TRRAP: variants seen among roughly 807,000 people sequenced by gnomAD.
TRRAP encodes transformation/transcription domain-associated protein.
TRRAP carries 41 observed loss-of-function variants against 438.8 expected under a neutral mutation model. That is an observed-to-expected ratio of 0.09 (90% confidence interval 0.07 to 0.12). The LOEUF (loss-of-function observed/expected upper bound fraction) is 0.12, where lower values mean the gene tolerates loss of function less well. TRRAP is among the 10% of genes least tolerant of loss of function. TRRAP has a pLI of 1.00. For synonymous variants in TRRAP, 1,994 were observed against 1,962.9 expected (o/e 1.02, Z -0.42); for missense variants, 3,122 against 5,055.1 (o/e 0.62, Z 11.60).
intron 21 of TRRAP, among the ~76,000 whole-genome samples, chr7:98,923,601 C>T (rs1236780392): frequency 6.6e-6 from 1 of 152,214 alleles, no homozygotes; most frequent in African/African-American, 2.4e-5. Flanking sequence ...AAAGTACCAC[C>T]ATTTACAACT....
chr7:98,947,075 G>A (rs1396855492), intron 33 of TRRAP, among the ~76,000 whole-genome samples: 6 of 152,198 alleles, frequency 3.9e-5, no homozygotes, highest in Non-Finnish European at 8.8e-5. Context: ...TTCCTGATCC[G>A]TGCTATCATC....
intron 69 of TRRAP, among the ~76,000 whole-genome samples, chr7:99,006,954 G>T (rs561230213): frequency 6.6e-6 from 1 of 152,202 alleles, no homozygotes; most frequent in Admixed American, 6.5e-5. Flanking sequence ...TGGAGTGGTC[G>T]CCCAGCGCTC....
At chr7:98,947,074 C>G (rs1437566144) in intron 33 of TRRAP, among the ~76,000 whole-genome samples, 1 of 152,248 alleles carries the variant, frequency 6.6e-6, no homozygotes, top group African/African-American at 2.4e-5. Context: ...CTTCCTGATC[C>G]GTGCTATCAT....
rs1554406349 is a variant in TRRAP, at chr7:98,899,781, G to A, written c.800+14G>A. 1 of 1,612,770 alleles carries A rather than the reference G, an allele frequency of 6.2e-7. No homozygotes were observed. The highest frequency in any genetic ancestry group is 8.5e-7 in the Non-Finnish European group (1 of 1,178,998). On this transcript the variant is annotated intron_variant, in intron 10 of 72. Coordinates refer to ENST00000456197, the MANE Select transcript of TRRAP (RefSeq NM_001375524.1). ...TGCACAAGCGAGGTGAGGCGTCACT[G>A]TAGCCGGCTGCCACAGTGCCTGGAT...
At chr7:98,885,518 GTAGCAATGGATAGTATTT>G (rs1352043653) in intron 3 of TRRAP, among the ~76,000 whole-genome samples, 1 of 152,054 alleles carries the variant, frequency 6.6e-6, no homozygotes, top group African/African-American at 2.4e-5. Context: ...CCTACTATCT[GTAGCAATGGATAGTATTT>G]TAGCTTTTTT....
chr7:98,948,407 A>T lies in TRRAP; in HGVS notation c.4668+67A>T. 6.2e-7 allele frequency: 1 copy of T among 1,611,052 alleles called. No homozygotes were observed. Among genetic ancestry groups the T allele is most frequent in the Admixed American group, 1.7e-5 (1 of 59,948 alleles). On this transcript the variant is annotated intron_variant, in intron 34 of 72. Transcript: ENST00000456197. This position sits in a 1 kb window ranked among gnomAD's most constrained non-coding sequence, Gnocchi z 4.9. ...CCGGTGCTTATAGCGTCCTCACTTG[A>T]TCGTATTTTCAATGGACGGAACAGC... is the stretch of plus-strand genomic sequence containing the variant.
chr7:98,886,484 AGATATCTAGAGAGATATG>A (rs1327615951), intron 3 of TRRAP, among the ~76,000 whole-genome samples: 6 of 152,182 alleles, frequency 3.9e-5, no homozygotes, highest in African/African-American at 7.2e-5. Context: ...AGATAGATAT[AGATATCTAGAGAGATATG>A]GATATCTAGA....
chr7:98,911,382 C>A, intron 17 of TRRAP, 111 bp downstream of exon 17: 1 of 1,067,022 alleles, frequency 9.4e-7, no homozygotes, highest in Non-Finnish European at 1.3e-6. Context: ...CAAGGATGTG[C>A]TTATAGCTCA....
At chr7:98,916,335 A>G (rs1789517813) in intron 19 of TRRAP, among the ~76,000 whole-genome samples, 1 of 152,232 alleles carries the variant, frequency 6.6e-6, no homozygotes. Flanking sequence ...TCTGATTTAC[A>G]TAGCCAGAAT....
chr7:98,923,712 A>G (rs782593951), intron 21 of TRRAP, among the ~76,000 whole-genome samples: 5 of 152,238 alleles, frequency 3.3e-5, no homozygotes, highest in Non-Finnish European at 7.3e-5. Flanking sequence ...GCTTGTGTGC[A>G]CTGCGTGTCT....
chr7:98,978,657 T>G, intron 57 of TRRAP, 112 bp from the exon 58 acceptor site: 1 of 1,420,094 alleles, frequency 7.0e-7, no homozygotes, highest in Non-Finnish European at 9.8e-7. Context: ...ACTCTTACTG[T>G]GTTGTTCTTC....
chr7:98,948,120 T>G lies in TRRAP; in HGVS notation c.4549-101T>G. 1 of 1,547,908 alleles carries G rather than the reference T, an allele frequency of 6.5e-7. No homozygotes were observed. The highest frequency in any genetic ancestry group is 8.8e-7 in the Non-Finnish European group (1 of 1,139,014). ...GAACCCTTCGCTTCACTGCCTAGCCTTGCCAACATAGTTAGACTATAGTAG... is the reference window on the plus strand; with the variant it reads ...GAACCCTTCGCTTCACTGCCTAGCCGTGCCAACATAGTTAGACTATAGTAG... On this transcript the variant is annotated intron_variant, in intron 33 of 72. Coordinates refer to ENST00000456197, the MANE Select transcript of TRRAP (RefSeq NM_001375524.1). This position sits in a 1 kb window ranked among gnomAD's most constrained non-coding sequence, Gnocchi z 4.9.
chr7:98,909,995 G>T, intron 14 of TRRAP, 61 bp from the exon 15 acceptor site: 1 of 1,519,184 alleles, frequency 6.6e-7, no homozygotes. Context: ...GATCTGAGCA[G>T]TATTTGGCCT....
At position 98,967,373 on chromosome 7, in the gene TRRAP, G is replaced by T. The variant is rs1211726761; in HGVS notation, c.7299-112G>T. ...CTGCCACGATTTATAACATACTCTT[G>T]GTTTTCATAGTGGCATTTCAGCAAG... On this transcript the variant is annotated intron_variant, in intron 50 of 72. Transcript: ENST00000456197. 2.2e-6 allele frequency: 3 copies of T among 1,353,218 alleles called. No individual in the cohort carries two copies. In the African/African-American group the frequency reaches 4.3e-5, roughly 20 times the overall value. The allele number at this position is 1,353,218 out of a possible 1,614,324, so 83.8% of individuals were successfully genotyped here. A position where few individuals can be genotyped will look rare whatever the true frequency, so the allele number is the denominator to read the frequency against.
intron 8 of TRRAP, among the ~76,000 whole-genome samples, chr7:98,898,074 T>G (rs782269921): frequency 5.9e-5 from 9 of 152,128 alleles, no homozygotes; most frequent in Non-Finnish European, 1.0e-4. Context: ...AAGATAAGGT[T>G]GTTGTTGAAA....
chr7:98,952,838 C>A (rs935808858), intron 39 of TRRAP, among the ~76,000 whole-genome samples: 2 of 152,158 alleles, frequency 1.3e-5, no homozygotes, highest in Non-Finnish European at 2.9e-5. Flanking sequence ...CTGTGCAGAT[C>A]GTTAACCTTT....
chr7:98,912,553 TAAAATG>T (rs1195892971), intron 18 of TRRAP, among the ~76,000 whole-genome samples: 1 of 152,318 alleles, frequency 6.6e-6, no homozygotes, highest in Admixed American at 6.5e-5. Flanking sequence ...TCTAGTAACT[TAAAATG>T]AAAAATCCAG....
chr7:98,890,963 A>T (rs1481332177), intron 4 of TRRAP, among the ~76,000 whole-genome samples: 3 of 149,942 alleles, frequency 2.0e-5, no homozygotes, highest in African/African-American at 4.9e-5. Context: ...GCTAATTTTT[A>T]AAAAATTTTC....
rs782453087 is a variant in TRRAP at position 98,892,439 on chromosome 7, G to A, written c.277G>A (p.Val93Ile). 75 of 1,611,178 alleles carry A rather than the reference G, an allele frequency of 4.7e-5. No homozygotes were observed. Among genetic ancestry groups the A allele is most frequent in the Non-Finnish European group, 6.1e-5 (72 of 1,179,406 alleles). ...EKPAQQLRKL[V>I]LEIIHRIPTN... Reference sequence around the variant, plus strand: ...TTCTTGCCAGCAACTGCGGAAGCTCGTACTTGAAATAATTCATAGAATACC... The same window carrying A: ...TTCTTGCCAGCAACTGCGGAAGCTCATACTTGAAATAATTCATAGAATACC... Residue 93 changes from valine (V) to isoleucine (I), a missense_variant, in exon 5 of 73, where the codon GTA (valine) becomes ATA (isoleucine). Transcript: ENST00000456197.
Sources: allele counts gnomAD v4.1 joint callset (sites outside exome capture counted in the v4.1 genomes callset), GRCh38; gene constraint gnomAD v4.1.1; non-coding constraint Gnocchi (gnomAD v3.1); transcripts MANE v1.5; gene names NCBI Gene and HGNC (gene_info 2026-07-23, HGNC 2026-07-21).